Variants in LRRC4C observed in about 807,000 individuals in gnomAD.
LRRC4C encodes the protein leucine rich repeat containing 4C, also known as leucine-rich repeat-containing protein 4C.
In LRRC4C, 5 loss-of-function variants were observed where a neutral mutation model predicts 33.6. The ratio of observed to expected loss-of-function variants is 0.15; its 90% CI spans 0.08 to 0.31. LRRC4C has a LOEUF of 0.31. Among genes scored for constraint, LRRC4C ranks in the 10% least tolerant of loss-of-function variants. The probability of loss-of-function intolerance (pLI) is 1.00; values close to 1 mark genes in which losing one functional copy is unlikely to be tolerated. For synonymous variants in LRRC4C, 329 were observed against 302.0 expected (o/e 1.09, Z -0.93); for missense variants, 560 against 796.7 (o/e 0.70, Z 3.58).
chr11:40,136,222 TAA>T (rs776749981), intron 6 of LRRC4C, among the ~76,000 whole-genome samples: 5 of 142,096 alleles, frequency 3.5e-5, no homozygotes, highest in Admixed American at 7.0e-5. Flanking sequence ...CCTGGTCTCC[TAA>T]AAAAAAAAAA....
intron 3 of LRRC4C, among the ~76,000 whole-genome samples, chr11:40,500,795 C>A (rs1203024373): frequency 6.6e-6 from 1 of 152,080 alleles, no homozygotes; most frequent in Non-Finnish European, 1.5e-5. Context: ...TGCCAAATCT[C>A]ATGTCCTCAA....
chr11:40,156,528 T>C (rs1402586822), intron 5 of LRRC4C, among the ~76,000 whole-genome samples: 1 of 152,016 alleles, frequency 6.6e-6, no homozygotes, highest in East Asian at 1.9e-4. Flanking sequence ...TGTACATAAA[T>C]CAGTAGCTCT....
At chr11:40,844,364 A>G (rs1478994159) in intron 2 of LRRC4C, among the ~76,000 whole-genome samples, 1 of 152,170 alleles carries the variant, frequency 6.6e-6, no homozygotes, top group Non-Finnish European at 1.5e-5. Context: ...GGTTACTGGA[A>G]TGGGAATATG....
At chr11:40,333,679 T>G (rs923800055) in intron 3 of LRRC4C, among the ~76,000 whole-genome samples, 1 of 134,644 alleles carries the variant, frequency 7.4e-6, no homozygotes. Context: ...ATGGCGCCAT[T>G]GCACTCCAGC....
chr11:40,871,335 C>T (rs1169608796), intron 2 of LRRC4C, among the ~76,000 whole-genome samples: 1 of 152,080 alleles, frequency 6.6e-6, no homozygotes, highest in Non-Finnish European at 1.5e-5. Context: ...TTGAAAATCA[C>T]TAATAAAATC....
intron 2 of LRRC4C, among the ~76,000 whole-genome samples, chr11:40,733,783 CA>C (rs1164621478): frequency 1.3e-5 from 2 of 152,136 alleles, no homozygotes; most frequent in African/African-American, 4.8e-5. Flanking sequence ...CTGGCCCCTT[CA>C]AATACCCATT....
At chr11:40,393,503 TAGAC>T (rs908673348) in intron 3 of LRRC4C, among the ~76,000 whole-genome samples, 25 of 152,214 alleles carry the variant, frequency 1.6e-4, no homozygotes, top group African/African-American at 5.5e-4. Flanking sequence ...AACAACTTAA[TAGAC>T]AGGGTCTAAG....
chr11:40,306,994 G>A (rs1489215442), intron 4 of LRRC4C, among the ~76,000 whole-genome samples: 1 of 8,168 alleles, frequency 1.2e-4, no homozygotes, highest in Admixed American at 1.9e-3. Context: ...AGATATCTAT[G>A]TATCTATGTA....
At chr11:40,936,328 T>C (rs1957895092) in intron 1 of LRRC4C, among the ~76,000 whole-genome samples, 1 of 147,968 alleles carries the variant, frequency 6.8e-6, no homozygotes, top group Non-Finnish European at 1.5e-5. Flanking sequence ...CAATAGTATC[T>C]AACACTTGTT....
intron 3 of LRRC4C, among the ~76,000 whole-genome samples, chr11:40,589,458 G>A (rs1958929234): frequency 6.6e-6 from 1 of 151,920 alleles, no homozygotes; most frequent in Non-Finnish European, 1.5e-5. Flanking sequence ...CTTTTAATTG[G>A]AGCATTTAGT....
chr11:40,195,718 G>A (rs1161307290), intron 5 of LRRC4C, among the ~76,000 whole-genome samples: 2 of 149,818 alleles, frequency 1.3e-5, no homozygotes, highest in South Asian at 2.1e-4. Context: ...TAAAAAAATT[G>A]TATGGCAAAT....
chr11:40,286,231 A>G (rs1943828153), intron 4 of LRRC4C, among the ~76,000 whole-genome samples: 2 of 152,286 alleles, frequency 1.3e-5, no homozygotes, highest in South Asian at 4.1e-4. Context: ...AACAATTATA[A>G]CAACATACTG....
At chr11:41,404,777 A>G (rs1322622436) in intron 1 of LRRC4C, among the ~76,000 whole-genome samples, 1 of 152,028 alleles carries the variant, frequency 6.6e-6, no homozygotes, top group Non-Finnish European at 1.5e-5. Context: ...TCAGACCATC[A>G]ATTAGAAGCA....
chr11:40,186,845 C>T (rs1861441401), intron 5 of LRRC4C, among the ~76,000 whole-genome samples: 1 of 152,182 alleles, frequency 6.6e-6, no homozygotes, highest in African/African-American at 2.4e-5. Flanking sequence ...TGGTTTCCCC[C>T]TTTAAGCAAA....
chr11:40,783,008 C>A (rs942121569), intron 2 of LRRC4C, among the ~76,000 whole-genome samples: 2 of 152,044 alleles, frequency 1.3e-5, no homozygotes, highest in Non-Finnish European at 1.5e-5. Flanking sequence ...TATTTTTAGA[C>A]ATAAATACAA....
At chr11:40,521,903 A>T (rs1301448954) in intron 3 of LRRC4C, among the ~76,000 whole-genome samples, 1 of 152,102 alleles carries the variant, frequency 6.6e-6, no homozygotes, top group Non-Finnish European at 1.5e-5. Flanking sequence ...TAGAAAAGAA[A>T]AATAAAATAA....
At chr11:41,046,051 T>A (rs1225694324) in intron 1 of LRRC4C, among the ~76,000 whole-genome samples, 1 of 152,224 alleles carries the variant, frequency 6.6e-6, no homozygotes, top group Admixed American at 6.5e-5. Flanking sequence ...TTTTGCTTTA[T>A]GAGCATAAAT....
intron 1 of LRRC4C, among the ~76,000 whole-genome samples, chr11:41,117,500 T>C (rs942449674): frequency 1.3e-5 from 2 of 152,172 alleles, no homozygotes; most frequent in Admixed American, 6.6e-5. Context: ...ATTTTATTTA[T>C]GTATGTATGT....
intron 1 of LRRC4C, among the ~76,000 whole-genome samples, chr11:41,279,517 C>A (rs1396024043): frequency 6.6e-6 from 1 of 151,980 alleles, no homozygotes; most frequent in East Asian, 1.9e-4. Flanking sequence ...AGTTACCCAT[C>A]CCTAGGTCAT....
Sources: allele counts gnomAD v4.1 joint callset (sites outside exome capture counted in the v4.1 genomes callset), GRCh38; gene constraint gnomAD v4.1.1; transcripts MANE v1.5; gene names NCBI Gene and HGNC (gene_info 2026-07-23, HGNC 2026-07-21).